Variants in DAB1 observed in about 807,000 individuals in gnomAD.
DAB1 encodes the protein DAB adaptor protein 1.
Under a neutral mutation model 64.6 loss-of-function variants are expected in DAB1, and 15 were observed. The ratio of observed to expected loss-of-function variants is 0.23; its 90% confidence interval spans 0.16 to 0.36. DAB1 has a LOEUF of 0.36. Ranked by LOEUF, DAB1 falls within the 10% of genes least tolerant of loss-of-function variation. The pLI, the probability that DAB1 is intolerant of heterozygous loss-of-function variation, is 1.00. For missense variants in DAB1, 596 were observed against 706.7 expected, an observed-to-expected ratio of 0.84 and a Z score of 1.78; for synonymous variants, 235 against 251.9, an observed-to-expected ratio of 0.93 and a Z score of 0.64.
In DAB1 at chr1:58,003,028, C is replaced by A. The variant is rs545575494; in HGVS notation, n.388-118866G>T. ...ATGTTATTGTTATGAATATGAATAT[C>A]ATTAATAAAGACTATCATATTAATG... is the stretch of plus-strand genomic sequence containing the variant. On this transcript the variant is annotated intron_variant and non_coding_transcript_variant, in intron 5 of 20. Transcript: ENST00000485760. 2.6e-5 allele frequency among the ~76,000 whole-genome samples: 4 copies of A among 152,122 alleles called. No individual in the cohort carries two copies. In the East Asian group the frequency reaches 7.7e-4, roughly 29 times the overall value.
Position 57,546,062 on chromosome 1 carries a change from G to A in DAB1, n.625+103530C>T, listed in dbSNP as rs537561515. Among the ~76,000 whole-genome samples the A allele has an allele frequency of 2.1e-4, 30 of 143,326 alleles. 1 individual carries two copies. In the East Asian group the frequency reaches 4.4e-3, roughly 21 times the overall value. 94.0% of individuals were successfully genotyped at this position (143,326 alleles called of 152,430 possible). On this transcript the variant is annotated intron_variant and non_coding_transcript_variant, in intron 7 of 20. Coordinates refer to the DAB1 transcript ENST00000485760. ...TGAATAAAGCTAAGAGCTGAGCAGAGGGGAGTGTGTGTGTGTGTGTGTGTG... is the reference window on the plus strand; with the variant it reads ...TGAATAAAGCTAAGAGCTGAGCAGAAGGGAGTGTGTGTGTGTGTGTGTGTG...
intron 5 of DAB1, among the ~76,000 whole-genome samples, chr1:57,936,554 G>A (rs1357309871): frequency 1.3e-5 from 2 of 152,020 alleles, no homozygotes; most frequent in African/African-American, 4.8e-5. Context: ...ACCACGCCCA[G>A]CTAATTTTTT....
chr1:57,326,804 A>G (rs1164513281), intron 1 of DAB1, among the ~76,000 whole-genome samples: 2 of 152,060 alleles, frequency 1.3e-5, no homozygotes, highest in African/African-American at 4.8e-5. Context: ...GACCTCATCG[A>G]ATCCTCATCA....
chr1:57,652,858 G>A (rs1422005098), intron 6 of DAB1, among the ~76,000 whole-genome samples: 3 of 152,148 alleles, frequency 2.0e-5, no homozygotes, highest in Non-Finnish European at 4.4e-5. Context: ...AACCCAGAAT[G>A]TCTGGTTCCA....
At chr1:58,446,248 A>G (rs1645065506) in intron 3 of DAB1, among the ~76,000 whole-genome samples, 1 of 152,236 alleles carries the variant, frequency 6.6e-6, no homozygotes, top group African/African-American at 2.4e-5. Context: ...CGTTGCTCCC[A>G]GCCCATTACG....
chr1:57,186,085 C>A (rs758760070), intron 2 of DAB1, among the ~76,000 whole-genome samples: 1 of 152,186 alleles, frequency 6.6e-6, no homozygotes, highest in African/African-American at 2.4e-5. Context: ...CCAGGTGAAT[C>A]AATGTCCCTG....
intron 1 of DAB1, among the ~76,000 whole-genome samples, chr1:57,336,744 T>C (rs1187085991): frequency 6.6e-6 from 1 of 152,220 alleles, no homozygotes; most frequent in South Asian, 2.1e-4. Context: ...TACCCCTCTA[T>C]GTCTACCCTG....
intron 3 of DAB1, among the ~76,000 whole-genome samples, chr1:58,454,199 C>T (rs889069592): frequency 1.3e-5 from 2 of 152,126 alleles, no homozygotes; most frequent in African/African-American, 4.8e-5. Context: ...GCTGCTCCAT[C>T]GAGGGGCTGT....
intron 5 of DAB1, among the ~76,000 whole-genome samples, chr1:58,055,121 G>C (rs1368877026): frequency 6.6e-6 from 1 of 152,212 alleles, no homozygotes; most frequent in Admixed American, 6.5e-5. Flanking sequence ...ACAGATGGGA[G>C]AGCAATGTTC....
At chr1:57,867,845 G>C (rs1654374139) in intron 1 of DAB1, among the ~76,000 whole-genome samples, 1 of 152,048 alleles carries the variant, frequency 6.6e-6, no homozygotes, top group Non-Finnish European at 1.5e-5. Context: ...TTCTTTCTTG[G>C]ACTGGTATCT....
At chr1:57,867,211 T>C (rs773467603) in intron 1 of DAB1, 7 of 152,144 alleles carry the variant, frequency 4.6e-5, no homozygotes, top group Non-Finnish European at 7.4e-5. Flanking sequence ...TTGCCAGTAA[T>C]GGACTTCACC....
At chr1:58,048,563 T>C in intron 5 of DAB1, 1 of 1,060,246 alleles carries the variant, frequency 9.4e-7, no homozygotes, top group Non-Finnish European at 1.5e-6. Context: ...AAACCCATTA[T>C]AACCATCCCC....
At chr1:57,454,895 T>C (rs1686526175) in intron 7 of DAB1, among the ~76,000 whole-genome samples, 1 of 152,054 alleles carries the variant, frequency 6.6e-6, no homozygotes, top group African/African-American at 2.4e-5. Context: ...AAAATATCAG[T>C]CTGGTAGAGA....
At chr1:58,074,549 C>CACAT (rs1557638906) in intron 5 of DAB1, 2 of 66,416 alleles carry the variant, frequency 3.0e-5, no homozygotes, top group African/African-American at 1.3e-4. Context: ...TATATACACA[C>CACAT]ATATATATAT....
intron 7 of DAB1, among the ~76,000 whole-genome samples, chr1:57,448,515 T>A (rs1437456159): frequency 1.3e-5 from 2 of 152,206 alleles, no homozygotes; most frequent in Non-Finnish European, 2.9e-5. Flanking sequence ...AACACTTGAT[T>A]GTTAAATTAT....
At chr1:57,189,862 A>AC (rs1557900915) in intron 2 of DAB1, among the ~76,000 whole-genome samples, 1 of 148,472 alleles carries the variant, frequency 6.7e-6, no homozygotes. Flanking sequence ...AAAAAAAAAC[A>AC]CAACAGAAAA....
At chr1:57,971,450 A>G (rs970225295) in intron 5 of DAB1, among the ~76,000 whole-genome samples, 5 of 152,206 alleles carry the variant, frequency 3.3e-5, no homozygotes, top group African/African-American at 1.2e-4. Flanking sequence ...TATAAGGTAC[A>G]TGGTGTAGTG....
intron 2 of DAB1, among the ~76,000 whole-genome samples, chr1:57,260,158 G>A (rs1391437448): frequency 6.6e-6 from 1 of 152,130 alleles, no homozygotes; most frequent in Non-Finnish European, 1.5e-5. Context: ...TACTCACCAA[G>A]GGCAACAATA....
chr1:58,341,209 T>A (rs867573309), intron 4 of DAB1, among the ~76,000 whole-genome samples: 10 of 152,210 alleles, frequency 6.6e-5, no homozygotes, highest in Admixed American at 1.3e-4. Flanking sequence ...TATTTTCTTA[T>A]GATTTCCAAA....
Sources: gnomAD v4.1 joint callset for allele counts (sites outside exome capture counted in the v4.1 genomes callset) on GRCh38, gnomAD v4.1.1 for gene constraint, MANE v1.5 for transcripts, NCBI Gene and HGNC (gene_info 2026-07-23, HGNC 2026-07-21) for gene names.